Variants in GRHPR observed in about 807,000 individuals in gnomAD.
GRHPR encodes glyoxylate reductase/hydroxypyruvate reductase.
A neutral mutation model predicts 36.8 loss-of-function variants in GRHPR; 35 were observed. That is an observed-to-expected ratio of 0.95 (90% confidence interval 0.73 to 1.26). The LOEUF is 1.26. Among genes scored for constraint, GRHPR ranks in the 50% most tolerant of loss-of-function variants. GRHPR has a pLI of 0.00. For synonymous variants in GRHPR, 179 were observed against 181.0 expected (o/e 0.99, Z 0.09); for missense variants, 380 against 435.0 (o/e 0.87, Z 1.12).
downstream of GRHPR, among the ~76,000 whole-genome samples, chr9:37,437,736 C>CCACA (rs1460168426): frequency 6.6e-6 from 1 of 151,860 alleles, no homozygotes; most frequent in African/African-American, 2.4e-5. Context: ...CAAGGTCAGG[C>CCACA]CACAGCACTG....
intron 8 of GRHPR, chr9:37,433,962 C>G (rs309452): frequency 5.2e-5 from 20 of 384,232 alleles, no homozygotes; most frequent in Middle Eastern, 1.3e-3. Flanking sequence ...GTCCCTCCCC[C>G]ACCCCAGCCT....
At chr9:37,428,045 C>T (rs1823169062) in intron 4 of GRHPR, 1 of 299,520 alleles carries the variant, frequency 3.3e-6, no homozygotes, top group Admixed American at 4.6e-5. Flanking sequence ...CTGGAGGTGG[C>T]TCAGGGCAGG....
At chr9:37,437,823 G>A (rs1019276568), downstream of GRHPR, among the ~76,000 whole-genome samples, 2 of 152,192 alleles carry the variant, frequency 1.3e-5, no homozygotes, top group African/African-American at 4.8e-5. Context: ...ACTGGCAGAT[G>A]GAGTTTCCAA....
downstream of GRHPR, among the ~76,000 whole-genome samples, chr9:37,437,166 C>CAATGTAG (rs1823711818): frequency 6.6e-6 from 1 of 151,912 alleles, no homozygotes; most frequent in African/African-American, 2.4e-5. Flanking sequence ...TTAACCTGGG[C>CAATGTAG]AATGTAGCAA....
upstream of GRHPR, chr9:37,422,626 A>AC: frequency 3.8e-6 from 3 of 780,170 alleles, no homozygotes; most frequent in South Asian, 4.4e-5. Context: ...TCGCGAAGCC[A>AC]CACCCCCTGC....
At chr9:37,428,281 T>C in intron 4 of GRHPR, 2 of 616,042 alleles carry the variant, frequency 3.2e-6, no homozygotes, top group Non-Finnish European at 5.8e-6. Flanking sequence ...CGCCCTCAAG[T>C]TCTATGTCTC....
At chr9:37,436,096 A>C (rs753398981) in intron 8 of GRHPR, among the ~76,000 whole-genome samples, 5 of 152,146 alleles carry the variant, frequency 3.3e-5, no homozygotes, top group Non-Finnish European at 7.3e-5. Flanking sequence ...GGCCAGTGCT[A>C]AACTCCTATG....
intron 8 of GRHPR, among the ~76,000 whole-genome samples, chr9:37,433,228 ATT>A (rs11345501): frequency 0.025 from 2,401 of 97,170 alleles, 12 homozygotes; most frequent in African/African-American, 0.034. Flanking sequence ...TGGTTCTCAC[ATT>A]TTTTTTTTTT....
At chr9:37,434,517 C>T (rs566823767) in intron 8 of GRHPR, 14 of 433,736 alleles carry the variant, frequency 3.2e-5, no homozygotes, top group South Asian at 6.8e-5. Context: ...AGGAAAAGCC[C>T]GCAGAACATG....
intron 4 of GRHPR, chr9:37,427,730 C>G (rs939515313): frequency 6.6e-6 from 1 of 151,634 alleles, no homozygotes; most frequent in East Asian, 1.9e-4. Flanking sequence ...CCCAACTACT[C>G]GGGAGGCTGA....
In GRHPR at chr9:37,436,837, C is replaced by T; in HGVS notation, c.*55C>T. 1.9e-6 allele frequency: 3 copies of T among 1,598,070 alleles called. No homozygotes were observed. Among genetic ancestry groups the T allele is most frequent in the Non-Finnish European group, 2.6e-6 (3 of 1,165,746 alleles). On this transcript the variant is annotated 3_prime_UTR_variant, in exon 9 of 9. Coordinates refer to ENST00000318158, the MANE Select transcript of GRHPR (RefSeq NM_012203.2). ...CAAACCGTGCCCTGGTATTGTCAGA[C>T]ACACCCAGGCTTGATTTGGATCCAC... is the stretch of plus-strand genomic sequence containing the variant.
rs148602447 is a variant in GRHPR at position 37,431,815 on chromosome 9, G to C, written c.735-193G>C. 1.6e-4 allele frequency: 92 copies of C among 569,858 alleles called. 1 individual carries two copies. The highest frequency in any genetic ancestry group is 1.6e-3 in the African/African-American group (83 of 53,356). 35.3% of individuals were successfully genotyped at this position (569,858 alleles called of 1,614,324 possible). On this transcript the variant is annotated intron_variant, in intron 7 of 8. Coordinates refer to ENST00000318158, the MANE Select transcript of GRHPR (RefSeq NM_012203.2). ...TGAGACACTTGCCCAAGGTCACACA[G>C]CTAGAAGGAGGCAGGGCTGGAGTTC...
rs764629809 is a variant in GRHPR at position 37,429,661 on chromosome 9, TC to T, written c.494-69del. The T allele has an allele frequency of 2.9e-5, 29 of 1,000,510 alleles. No individual in the cohort carries two copies. In the Middle Eastern group the frequency reaches 8.2e-4, roughly 28 times the overall value. The allele number at this position is 1,000,510 out of a possible 1,614,324, so 62.0% of individuals were successfully genotyped here. ...AAGGGTCTGCCCTGAGGGCCGCTGTTCCAGAAATGCTGGGTGGTGTCCCTAC... is the reference window on the plus strand; with the variant it reads ...AAGGGTCTGCCCTGAGGGCCGCTGTTCAGAAATGCTGGGTGGTGTCCCTAC... On this transcript the variant is annotated intron_variant, in intron 5 of 8. Coordinates refer to ENST00000318158, the MANE Select transcript of GRHPR (RefSeq NM_012203.2).
rs541248503 is a variant in GRHPR, at chr9:37,425,771, G to A, written c.215-151G>A. 3.0e-4 allele frequency: 197 copies of A among 648,538 alleles called. 1 individual carries two copies. The African/African-American group carries it at 3.1e-3, about 10-fold the overall frequency. The allele number at this position is 648,538 out of a possible 1,614,324, so 40.2% of individuals were successfully genotyped here. A position where few individuals can be genotyped will look rare whatever the true frequency, so the allele number is the denominator to read the frequency against. On this transcript the variant is annotated intron_variant, in intron 2 of 8. Transcript: ENST00000318158. ...AACTGCAGTGTCTGAGGCTGTCAAAGGGGATTATTCAGAGTTTTAACTGAA... is the reference window on the plus strand; with the variant it reads ...AACTGCAGTGTCTGAGGCTGTCAAAAGGGATTATTCAGAGTTTTAACTGAA...
chr9:37,437,931 C>G (rs1823748870), downstream of GRHPR, among the ~76,000 whole-genome samples: 1 of 152,060 alleles, frequency 6.6e-6, no homozygotes, highest in African/African-American at 2.4e-5. Flanking sequence ...GTGCGTAGCT[C>G]AAAGACAGAA....
At position 37,432,020 on chromosome 9, in the gene GRHPR, A is replaced by C. The variant is rs1171298738; in HGVS notation, c.747A>C (p.Val249=). The C allele has an allele frequency of 6.2e-7, 1 of 1,614,172 alleles. No homozygotes were observed. The highest frequency in any genetic ancestry group is 1.7e-5 in the Admixed American group (1 of 60,034). ...VFINISRGDV[V]NQDDLYQALA... The stretch of plus-strand genomic sequence containing the variant: ...CTGTCATTCCCAGGGGCGACGTCGT[A>C]AACCAGGACGACCTGTACCAGGCCT... The change falls in exon 8 of 9, where the codon GTA becomes GTC. Residue 249 remains valine (V), a synonymous_variant. Coordinates refer to ENST00000318158, the MANE Select transcript of GRHPR (RefSeq NM_012203.2).
chr9:37,431,090 C>A (rs780919800), intron 7 of GRHPR: 4 of 466,964 alleles, frequency 8.6e-6, no homozygotes, highest in Non-Finnish European at 1.3e-5. Flanking sequence ...CTAAAACTCA[C>A]GTGGTCGTAG....
rs1280855277 is a variant in GRHPR, at chr9:37,436,898, AAG to A, written c.*119_*120del. The A allele has an allele frequency of 8.7e-7, 1 of 1,149,660 alleles. No individual in the cohort carries two copies. Among genetic ancestry groups the A allele is most frequent in the Admixed American group, 1.7e-5 (1 of 58,968 alleles). 71.2% of individuals were successfully genotyped at this position (1,149,660 alleles called of 1,614,324 possible). ...AAGGGAAGGTGTGATTCTCTGAGGAAAGAGTGATTCTGATATATGTACTTGTC... is the reference window on the plus strand; with the variant it reads ...AAGGGAAGGTGTGATTCTCTGAGGAAAGTGATTCTGATATATGTACTTGTC... On this transcript the variant is annotated 3_prime_UTR_variant, in exon 9 of 9. Coordinates refer to ENST00000318158, the MANE Select transcript of GRHPR (RefSeq NM_012203.2).
chr9:37,424,304 CTG>C (rs1564295949), intron 1 of GRHPR, among the ~76,000 whole-genome samples: 1 of 152,258 alleles, frequency 6.6e-6, no homozygotes, highest in Non-Finnish European at 1.5e-5. Context: ...CACGTGCTGA[CTG>C]TACTGAATTC....
Sources: gnomAD v4.1 joint callset for allele counts (sites outside exome capture counted in the v4.1 genomes callset) on GRCh38, gnomAD v4.1.1 for gene constraint, MANE v1.5 for transcripts, NCBI Gene and HGNC (gene_info 2026-07-23, HGNC 2026-07-21) for gene names.